Variants in PRKDC observed in about 807,000 individuals in gnomAD.
The protein encoded by PRKDC is DNA-dependent protein kinase catalytic subunit.
Under a neutral mutation model 486.9 loss-of-function variants are expected in PRKDC, and 82 were observed. The observed-to-expected ratio is 0.17, with a 90% CI of 0.14 to 0.20. The LOEUF (loss-of-function observed/expected upper bound fraction) is 0.20, where lower values mean the gene tolerates loss of function less well. PRKDC is among the 10% of genes least tolerant of loss of function. The probability of loss-of-function intolerance (pLI) is 1.00; values close to 1 mark genes in which losing one functional copy is unlikely to be tolerated. For synonymous variants in PRKDC, 1,895 were observed against 1,837.0 expected, an observed-to-expected ratio of 1.03 and a Z score of -0.81; for missense variants, 4,504 against 5,038.2, an observed-to-expected ratio of 0.89 and a Z score of 3.21.
At chr8:47,785,728 C>T (rs1013455004) in intron 76 of PRKDC, among the ~76,000 whole-genome samples, 6 of 143,488 alleles carry the variant, frequency 4.2e-5, no homozygotes, top group Non-Finnish European at 7.7e-5. Flanking sequence ...CGAGTGAGAC[C>T]GTGTCTCTAA....
In PRKDC at chr8:47,918,774, G is replaced by A. The variant is rs139917999; in HGVS notation, c.2420-391C>T. On this transcript the variant is annotated intron_variant, in intron 21 of 85. Coordinates refer to ENST00000314191, the MANE Select transcript of PRKDC (RefSeq NM_006904.7). ...ACTAATACAGATAAATAAATAACGG[G>A]GAAAATTGTTTCTTGCAGTAGAACA... Among the ~76,000 whole-genome samples the A allele has an allele frequency of 1.4e-3, 219 of 152,128 alleles. 1 individual carries two copies. The highest frequency in any genetic ancestry group is 4.8e-3 in the African/African-American group (201 of 41,488).
chr8:47,877,583 GT>G (rs1447618528), intron 40 of PRKDC, 140 bp downstream of exon 40: 1 of 831,970 alleles, frequency 1.2e-6, no homozygotes, highest in Non-Finnish European at 1.7e-6. Context: ...TAAAAGTTTT[GT>G]TTTAAAGACA....
At chr8:47,832,009 A>G in intron 59 of PRKDC, 83 bp from the exon 60 acceptor site, 1 of 1,311,462 alleles carries the variant, frequency 7.6e-7, no homozygotes, top group Non-Finnish European at 1.1e-6. Context: ...GGGTTTCCTC[A>G]AAGACAAAAC....
At chr8:47,893,043 T>G in intron 31 of PRKDC, 96 bp downstream of exon 31, 2 of 1,406,666 alleles carry the variant, frequency 1.4e-6, no homozygotes, top group East Asian at 2.5e-5. Flanking sequence ...GCACAGCACC[T>G]ACCATCATGT....
chr8:47,852,607 A>G, intron 52 of PRKDC, 66 bp downstream of exon 52: 1 of 975,890 alleles, frequency 1.0e-6, no homozygotes, highest in Non-Finnish European at 1.5e-6. Context: ...ACATATAAGT[A>G]TCAAGGGTCA....
At chr8:47,894,729 G>A (rs748621015) in intron 30 of PRKDC, among the ~76,000 whole-genome samples, 2 of 152,176 alleles carry the variant, frequency 1.3e-5, no homozygotes, top group Non-Finnish European at 2.9e-5. Context: ...ACCCAGGACT[G>A]CTGCTACACA....
intron 69 of PRKDC, among the ~76,000 whole-genome samples, chr8:47,805,878 C>T (rs1490594009): frequency 2.0e-5 from 3 of 152,148 alleles, no homozygotes; most frequent in Non-Finnish European, 4.4e-5. Flanking sequence ...TGCTCACTCC[C>T]ACCCCACTCC....
chr8:47,890,925 A>G (rs1156262775), intron 31 of PRKDC, among the ~76,000 whole-genome samples: 2 of 152,230 alleles, frequency 1.3e-5, no homozygotes, highest in African/African-American at 2.4e-5. Flanking sequence ...AATGTTATTA[A>G]TAATGAAAAA....
At chr8:47,783,612 T>A in intron 78 of PRKDC, 130 bp downstream of exon 78, 1 of 875,350 alleles carries the variant, frequency 1.1e-6, no homozygotes. Flanking sequence ...AGGAATTCAG[T>A]AAATATGCTA....
At chr8:47,954,587 T>G (rs907263532) in intron 4 of PRKDC, 141 bp from the exon 5 acceptor site, 7 of 368,668 alleles carry the variant, frequency 1.9e-5, no homozygotes, top group Non-Finnish European at 5.0e-6. Flanking sequence ...GGTTCAGAAT[T>G]AGGTGTGTCT....
chr8:47,826,260 CTT>C (rs1203846404), intron 63 of PRKDC, among the ~76,000 whole-genome samples: 1 of 152,202 alleles, frequency 6.6e-6, no homozygotes, highest in Non-Finnish European at 1.5e-5. Flanking sequence ...GATTTAAACT[CTT>C]TCTAAAATCT....
At chr8:47,777,647 T>G in intron 84 of PRKDC, 39 bp downstream of exon 84, 1 of 1,530,274 alleles carries the variant, frequency 6.5e-7, no homozygotes, top group Admixed American at 2.0e-5. Flanking sequence ...ACGGGGACAC[T>G]GTCACAAAAG....
chr8:47,854,234 G>A lies in PRKDC; in HGVS notation c.6762-20C>T, dbSNP rs769089352. The A allele has an allele frequency of 5.6e-6, 9 of 1,609,250 alleles. No individual in the cohort carries two copies. The highest frequency in any genetic ancestry group is 6.8e-6 in the Non-Finnish European group (8 of 1,175,836). On this transcript the variant is annotated intron_variant, in intron 50 of 85. Transcript: ENST00000314191. ...ATTAACCTGAAACATAAGCACAAAG[G>A]AGAAAATTGAGACTGTTGCATAATC...
intron 38 of PRKDC, among the ~76,000 whole-genome samples, chr8:47,880,003 G>A (rs1244883851): frequency 6.6e-6 from 1 of 151,980 alleles, no homozygotes; most frequent in African/African-American, 2.4e-5. Context: ...CTGCCACTAT[G>A]CCTGGCTAAT....
At chr8:47,813,253 G>A (rs1045498147) in intron 68 of PRKDC, among the ~76,000 whole-genome samples, 2 of 151,878 alleles carry the variant, frequency 1.3e-5, no homozygotes, top group Non-Finnish European at 2.9e-5. Context: ...GAGTAGCTGG[G>A]ACTACAGGTG....
Position 47,886,111 on chromosome 8 carries a change from C to T in PRKDC, c.4609G>A (p.Val1537Met). 1 of 1,612,916 alleles carries T rather than the reference C, an allele frequency of 6.2e-7. No homozygotes were observed. Among genetic ancestry groups the T allele is most frequent in the Non-Finnish European group, 8.5e-7 (1 of 1,179,682 alleles). Reference sequence around the variant, plus strand: ...CTGCCCAAGGACGCCGTGGACAGCACCGCTGGGTTCAGGAGAAGACTCACA... The same window carrying T: ...CTGCCCAAGGACGCCGTGGACAGCATCGCTGGGTTCAGGAGAAGACTCACA... ...RLVSLLLNPA[V>M]LSTASLGSSQ... Residue 1537 changes from valine to methionine, a missense_variant, in exon 36 of 86, where the codon GTG becomes ATG. Around this residue, in one of 6 missense-constraint regions of PRKDC, gnomAD observed 1,969 missense variants for 2,068.9 expected, o/e 0.95. Transcript: ENST00000314191.
Position 47,858,533 on chromosome 8 carries a change from C to G in PRKDC, c.6448G>C (p.Val2150Leu). ...LNIRLFLAKL[V>L]INTEEVFRPY... ...TTACTTACCTCTTCTGTATTAATAA[C>G]AAGCTTGGCTAAGAAGAGACGGATA... Residue 2150 changes from valine (V) to leucine (L), a missense_variant, in exon 48 of 86, where the codon GTT (valine) becomes CTT (leucine). Physicochemically the swap from Val to Leu is conservative, Grantham distance 32 (BLOSUM62 1). Transcript: ENST00000314191. 6.6e-7 allele frequency: 1 copy of G among 1,518,776 alleles called. No individual in the cohort carries two copies. Among genetic ancestry groups the G allele is most frequent in the Admixed American group, 2.1e-5 (1 of 47,484 alleles). 94.1% of individuals were successfully genotyped at this position (1,518,776 alleles called of 1,614,324 possible). A position where few individuals can be genotyped will look rare whatever the true frequency, so the allele number is the denominator to read the frequency against.
chr8:47,818,500 A>G (rs1589717990), intron 67 of PRKDC, among the ~76,000 whole-genome samples: 1 of 147,314 alleles, frequency 6.8e-6, no homozygotes, highest in South Asian at 2.2e-4. Flanking sequence ...AATGGCATGA[A>G]CCCGGGAGGC....
chr8:47,820,349 T>C (rs2087559573), intron 66 of PRKDC, among the ~76,000 whole-genome samples: 1 of 151,940 alleles, frequency 6.6e-6, no homozygotes, highest in Admixed American at 6.6e-5. Context: ...CACTCCACTG[T>C]CTAGGCGACA....
Sources: allele counts gnomAD v4.1 joint callset (sites outside exome capture counted in the v4.1 genomes callset), GRCh38; gene constraint gnomAD v4.1.1; regional missense constraint gnomAD v4.1.1; transcripts MANE v1.5; gene names NCBI Gene and HGNC (gene_info 2026-07-23, HGNC 2026-07-21).